Variants in KCNMB2 observed in about 807,000 individuals in gnomAD.
KCNMB2 encodes the protein calcium-activated potassium channel subunit beta-2.
Under a neutral mutation model 24.5 loss-of-function variants are expected in KCNMB2, and 9 were observed. The ratio of observed to expected loss-of-function variants is 0.37; its 90% CI spans 0.22 to 0.64. The LOEUF is 0.64. Among genes scored for constraint, KCNMB2 ranks in the 30% least tolerant of loss-of-function variants. KCNMB2 has a pLI of 0.63. For synonymous variants in KCNMB2, 109 were observed against 104.4 expected, an observed-to-expected ratio of 1.04 and a Z score of -0.27; for missense variants, 226 against 284.3, an observed-to-expected ratio of 0.79 and a Z score of 1.47.
At chr3:178,731,778 C>T (rs1437800048) in intron 1 of KCNMB2, among the ~76,000 whole-genome samples, 1 of 152,172 alleles carries the variant, frequency 6.6e-6, no homozygotes, top group African/African-American at 2.4e-5. Flanking sequence ...TGGCACATGC[C>T]TGTAATCCCA....
chr3:178,767,913 T>C (rs992075162), intron 1 of KCNMB2, among the ~76,000 whole-genome samples: 1 of 152,230 alleles, frequency 6.6e-6, no homozygotes, highest in African/African-American at 2.4e-5. Flanking sequence ...GCCAATCTAT[T>C]GGAAAGGACT....
chr3:178,733,555 A>G (rs1486115665), intron 1 of KCNMB2, among the ~76,000 whole-genome samples: 1 of 152,110 alleles, frequency 6.6e-6, no homozygotes, highest in African/African-American at 2.4e-5. Flanking sequence ...ATCTCGGCTC[A>G]CTGCAACCTC....
chr3:178,566,023 A>C (rs1372663432), intron 1 of KCNMB2, among the ~76,000 whole-genome samples: 1 of 152,224 alleles, frequency 6.6e-6, no homozygotes, highest in Non-Finnish European at 1.5e-5. Context: ...ATCAGGGCAG[A>C]TTCTTACTGG....
intron 1 of KCNMB2, among the ~76,000 whole-genome samples, chr3:178,716,011 T>G (rs1284400180): frequency 6.6e-6 from 1 of 152,216 alleles, no homozygotes; most frequent in Non-Finnish European, 1.5e-5. Flanking sequence ...CCTCTGACCC[T>G]GTGAGGTATC....
At chr3:178,645,928 GA>G (rs1719905625) in intron 1 of KCNMB2, among the ~76,000 whole-genome samples, 1 of 152,200 alleles carries the variant, frequency 6.6e-6, no homozygotes. Flanking sequence ...AGTGCTGCTT[GA>G]AGGGGGACAG....
intron 1 of KCNMB2, among the ~76,000 whole-genome samples, chr3:178,714,083 T>C (rs1722540350): frequency 1.3e-5 from 2 of 152,182 alleles, no homozygotes; most frequent in African/African-American, 4.8e-5. Flanking sequence ...AAACTTGGTA[T>C]TAATTTTTCA....
chr3:178,570,395 T>C (rs1383558470), intron 1 of KCNMB2, among the ~76,000 whole-genome samples: 1 of 152,016 alleles, frequency 6.6e-6, no homozygotes, highest in Non-Finnish European at 1.5e-5. Context: ...AGACAAAACG[T>C]GAAAATATTT....
chr3:178,657,299 C>A (rs1328892836), intron 1 of KCNMB2, among the ~76,000 whole-genome samples: 1 of 152,206 alleles, frequency 6.6e-6, no homozygotes, highest in East Asian at 1.9e-4. Flanking sequence ...TGAAAGATAT[C>A]TCAAGGTTCT....
At chr3:178,811,892 T>A (rs1316756912) in intron 2 of KCNMB2, among the ~76,000 whole-genome samples, 1 of 152,244 alleles carries the variant, frequency 6.6e-6, no homozygotes, top group African/African-American at 2.4e-5. Flanking sequence ...ATTTTAATTT[T>A]CATTTCTCAG....
intron 2 of KCNMB2, among the ~76,000 whole-genome samples, chr3:178,817,989 C>T (rs1224830108): frequency 1.3e-5 from 2 of 152,200 alleles, no homozygotes; most frequent in Admixed American, 6.5e-5. Flanking sequence ...ATATTCAGCA[C>T]ATGTAAGTTC....
At chr3:178,584,306 CAGACTAAGATAAATT>C (rs1486721467) in intron 1 of KCNMB2, among the ~76,000 whole-genome samples, 1 of 152,210 alleles carries the variant, frequency 6.6e-6, no homozygotes, top group Non-Finnish European at 1.5e-5. Context: ...CTTACATGTA[CAGACTAAGATAAATT>C]AGTGAGGCTT....
chr3:178,685,076 C>T (rs1431988183), intron 1 of KCNMB2, among the ~76,000 whole-genome samples: 1 of 150,588 alleles, frequency 6.6e-6, no homozygotes, highest in Admixed American at 6.6e-5. Context: ...TGGACAGCTC[C>T]TCTGGGGACC....
At chr3:178,723,228 A>G (rs976878294) in intron 1 of KCNMB2, among the ~76,000 whole-genome samples, 3 of 152,240 alleles carry the variant, frequency 2.0e-5, no homozygotes, top group African/African-American at 7.2e-5. Context: ...CGTATAAAAT[A>G]TAGAATCAGA....
intron 1 of KCNMB2, among the ~76,000 whole-genome samples, chr3:178,538,967 C>A (rs79643271): frequency 1.3e-5 from 2 of 152,110 alleles, no homozygotes; most frequent in East Asian, 3.9e-4. Flanking sequence ...TCCAGCTATG[C>A]AAAAAGCAAG....
chr3:178,595,872 G>C (rs748385019), intron 1 of KCNMB2, among the ~76,000 whole-genome samples: 11 of 152,130 alleles, frequency 7.2e-5, no homozygotes, highest in Non-Finnish European at 1.3e-4. Context: ...TCAGATTGAA[G>C]ACTAAGGAAA....
intron 1 of KCNMB2, among the ~76,000 whole-genome samples, chr3:178,753,130 T>C (rs1723906153): frequency 6.6e-6 from 1 of 152,248 alleles, no homozygotes; most frequent in Non-Finnish European, 1.5e-5. Context: ...TGAGATTTCC[T>C]TCCTCTGAAA....
intron 3 of KCNMB2, among the ~76,000 whole-genome samples, chr3:178,827,302 C>G (rs1221329803): frequency 6.6e-6 from 1 of 152,102 alleles, no homozygotes; most frequent in Non-Finnish European, 1.5e-5. Flanking sequence ...GATAACAGGG[C>G]ACCCTTATTC....
At chr3:178,683,666 T>C (rs1206225984) in intron 1 of KCNMB2, among the ~76,000 whole-genome samples, 2 of 152,226 alleles carry the variant, frequency 1.3e-5, no homozygotes, top group South Asian at 2.1e-4. Context: ...TAGTCGTTAT[T>C]GCATCAGACA....
intron 1 of KCNMB2, among the ~76,000 whole-genome samples, chr3:178,570,826 A>T (rs922623308): frequency 6.6e-6 from 1 of 152,168 alleles, no homozygotes; most frequent in Admixed American, 6.5e-5. Context: ...GTAAGAAGAA[A>T]AGGAGCTTTG....
Sources: allele counts gnomAD v4.1 joint callset (sites outside exome capture counted in the v4.1 genomes callset), GRCh38; gene constraint gnomAD v4.1.1; transcripts MANE v1.5; gene names NCBI Gene and HGNC (gene_info 2026-07-23, HGNC 2026-07-21).